Variants in BNC2 observed in about 807,000 individuals in gnomAD.
The protein encoded by BNC2 is zinc finger protein basonuclin-2.
A neutral mutation model predicts 76.3 loss-of-function variants in BNC2; 20 were observed. The observed-to-expected ratio is 0.26, with a 90% CI of 0.18 to 0.38. BNC2 has a LOEUF of 0.38. Among genes scored for constraint, BNC2 ranks in the 10% least tolerant of loss-of-function variants. The pLI, the probability that BNC2 is intolerant of heterozygous loss-of-function variation, is 1.00. For synonymous variants in BNC2, 582 were observed against 514.8 expected, an observed-to-expected ratio of 1.13 and a Z score of -1.77; for missense variants, 1,382 against 1,399.8, an observed-to-expected ratio of 0.99 and a Z score of 0.20.
intron 5 of BNC2, among the ~76,000 whole-genome samples, chr9:16,492,766 T>TTAA (rs1364223315): frequency 2.6e-5 from 4 of 151,180 alleles, no homozygotes; most frequent in Non-Finnish European, 5.9e-5. Flanking sequence ...GTCTACTCAA[T>TTAA]TAATGATGAG....
chr9:16,628,483 T>C (rs1308995029), intron 3 of BNC2, among the ~76,000 whole-genome samples: 1 of 152,194 alleles, frequency 6.6e-6, no homozygotes, highest in Non-Finnish European at 1.5e-5. Flanking sequence ...GCCTTCCACA[T>C]GCATCTTTTG....
chr9:16,556,791 C>A (rs964482074), intron 4 of BNC2, among the ~76,000 whole-genome samples: 1 of 150,632 alleles, frequency 6.6e-6, no homozygotes, highest in Non-Finnish European at 1.5e-5. Context: ...ATTAAACTGC[C>A]TAACTTGCAA....
At chr9:16,483,365 A>G (rs1199912818) in intron 5 of BNC2, among the ~76,000 whole-genome samples, 1 of 152,084 alleles carries the variant, frequency 6.6e-6, no homozygotes, top group Non-Finnish European at 1.5e-5. Flanking sequence ...ATGTATCTGC[A>G]TGGTTTCTTC....
At chr9:16,796,225 TA>T (rs1315140876) in intron 1 of BNC2, among the ~76,000 whole-genome samples, 3 of 152,232 alleles carry the variant, frequency 2.0e-5, no homozygotes, top group African/African-American at 7.2e-5. Context: ...GTAAGTACTT[TA>T]TATAGTTTTA....
chr9:16,479,058 C>A (rs372798988), intron 5 of BNC2, among the ~76,000 whole-genome samples: 1 of 152,168 alleles, frequency 6.6e-6, no homozygotes, highest in South Asian at 2.1e-4. Flanking sequence ...TCGAGACCAG[C>A]CTGGTCAACA....
chr9:16,509,374 C>G (rs1822702732), intron 5 of BNC2, among the ~76,000 whole-genome samples: 2 of 152,114 alleles, frequency 1.3e-5, no homozygotes, highest in South Asian at 4.1e-4. Context: ...GTCTACAGTC[C>G]TCGAGGACAG....
intron 4 of BNC2, among the ~76,000 whole-genome samples, chr9:16,580,833 T>C (rs1330229970): frequency 1.3e-5 from 2 of 152,338 alleles, no homozygotes; most frequent in Non-Finnish European, 2.9e-5. Flanking sequence ...AAAGGCTTCA[T>C]ATATTTTCTC....
chr9:16,648,587 A>G (rs1821703697), intron 3 of BNC2, among the ~76,000 whole-genome samples: 1 of 152,246 alleles, frequency 6.6e-6, no homozygotes, highest in Non-Finnish European at 1.5e-5. Flanking sequence ...AGTAATGAGG[A>G]CAGAACTTAT....
At chr9:16,479,369 C>T (rs1434794727) in intron 5 of BNC2, among the ~76,000 whole-genome samples, 2 of 152,086 alleles carry the variant, frequency 1.3e-5, no homozygotes, top group African/African-American at 4.8e-5. Flanking sequence ...GTGTGTGTTT[C>T]AGACCACTTC....
At chr9:16,554,356 T>C (rs1818757093) in intron 4 of BNC2, among the ~76,000 whole-genome samples, 1 of 152,206 alleles carries the variant, frequency 6.6e-6, no homozygotes, top group Non-Finnish European at 1.5e-5. Context: ...GTACTCTTGA[T>C]AAATTGCTTT....
At chr9:16,686,644 T>C (rs529004575) in intron 3 of BNC2, among the ~76,000 whole-genome samples, 2 of 152,282 alleles carry the variant, frequency 1.3e-5, no homozygotes, top group African/African-American at 4.8e-5. Flanking sequence ...TCTGTGCTAA[T>C]CAATTTGCTT....
rs539370356 is a variant in BNC2 at position 16,477,623 on chromosome 9, T to C, written c.670-40099A>G. Among the ~76,000 whole-genome samples the C allele has an allele frequency of 3.9e-5, 6 of 152,358 alleles. No individual in the cohort carries two copies. The South Asian group carries it at 1.0e-3, about 26-fold the overall frequency. On this transcript the variant is annotated intron_variant, in intron 5 of 6. Transcript: ENST00000380672. ...TTAGACATTTAATATATCTAGACTA[T>C]TTCCTTATAACCCTAAAAAAAGTTT...
chr9:16,860,917 A>G (rs1399944971), intron 1 of BNC2, among the ~76,000 whole-genome samples: 1 of 151,862 alleles, frequency 6.6e-6, no homozygotes, highest in East Asian at 1.9e-4. Context: ...ATGTTGGCAC[A>G]TGCCTGTAAT....
intron 3 of BNC2, among the ~76,000 whole-genome samples, chr9:16,717,119 G>A (rs377516505): frequency 6.6e-6 from 1 of 152,138 alleles, no homozygotes; most frequent in African/African-American, 2.4e-5. Context: ...TGAAATGTGA[G>A]CAATTAGAAA....
At position 16,738,568 on chromosome 9, in the gene BNC2, T is replaced by C. The variant is rs372218804; in HGVS notation, c.4-83A>G. 4.4e-3 allele frequency: 4,297 copies of C among 976,862 alleles called. 102 individuals are homozygous for C. The African/African-American group carries it at 0.057, about 13-fold the overall frequency. 60.5% of individuals were successfully genotyped at this position (976,862 alleles called of 1,614,324 possible). A position where few individuals can be genotyped will look rare whatever the true frequency, so the allele number is the denominator to read the frequency against. ...TTGAGTACATCAAAACTTTAAGAAA[T>C]TGCAAATATAACACACCAATGACCA... On this transcript the variant is annotated intron_variant, in intron 1 of 6. Transcript: ENST00000380672.
rs192304611 is a variant in BNC2, at chr9:16,761,016, G to A, written c.4-22531C>T. 4.8e-3 allele frequency among the ~76,000 whole-genome samples: 723 copies of A among 152,158 alleles called. 4 individuals carry two copies. The highest frequency in any genetic ancestry group is 0.016 in the African/African-American group (684 of 41,524). On this transcript the variant is annotated intron_variant, in intron 1 of 6. Coordinates refer to ENST00000380672, the MANE Select transcript of BNC2 (RefSeq NM_017637.6). ...CCAGCTCTTTGGGAGGCTAAGGCAGGAGGATTGTTTGAGCCCAAGAGTTCA... is the reference window on the plus strand; with the variant it reads ...CCAGCTCTTTGGGAGGCTAAGGCAGAAGGATTGTTTGAGCCCAAGAGTTCA...
At chr9:16,539,021 G>C in intron 5 of BNC2, among the ~76,000 whole-genome samples, 1 of 152,058 alleles carries the variant, frequency 6.6e-6, no homozygotes, top group Non-Finnish European at 1.5e-5. Flanking sequence ...GTGTCTGTCT[G>C]TTTACCACTT....
In BNC2 at chr9:16,435,997, G is replaced by A; in HGVS notation, c.2197C>T (p.Leu733=). 1 of 1,614,188 alleles carries A rather than the reference G, an allele frequency of 6.2e-7. No homozygotes were observed. ...ENESESSEPK[L]GEESMEGDEH... Reference sequence around the variant, plus strand: ...TCCCCTTCCATGGATTCCTCGCCCAGTTTGGGCTCCGAAGACTCAGACTCG... The same window carrying A: ...TCCCCTTCCATGGATTCCTCGCCCAATTTGGGCTCCGAAGACTCAGACTCG... Residue 733 remains leucine, a synonymous_variant, in exon 6 of 7, where the codon CTG becomes TTG. Coordinates refer to ENST00000380672, the MANE Select transcript of BNC2 (RefSeq NM_017637.6).
At chr9:16,844,227 C>A (rs13298175) in intron 1 of BNC2, among the ~76,000 whole-genome samples, 1 of 151,618 alleles carries the variant, frequency 6.6e-6, no homozygotes, top group Non-Finnish European at 1.5e-5. Context: ...AACACTGACA[C>A]AAAATCTGAT....
Sources: allele counts gnomAD v4.1 joint callset (sites outside exome capture counted in the v4.1 genomes callset), GRCh38; gene constraint gnomAD v4.1.1; transcripts MANE v1.5; gene names NCBI Gene and HGNC (gene_info 2026-07-23, HGNC 2026-07-21).